JARID2: variants seen among roughly 807,000 people sequenced by gnomAD.
JARID2 encodes the protein jumonji and AT-rich interaction domain containing 2.
Under a neutral mutation model 125.6 loss-of-function variants are expected in JARID2, and 21 were observed. That is an observed-to-expected ratio of 0.17 (90% CI 0.12 to 0.24). JARID2 has a LOEUF of 0.24. Among genes scored for constraint, JARID2 ranks in the 10% least tolerant of loss-of-function variants. The pLI is 1.00. For missense variants in JARID2, 1,303 were observed against 1,639.6 expected, an observed-to-expected ratio of 0.79 and a Z score of 3.55; for synonymous variants, 736 against 661.6, an observed-to-expected ratio of 1.11 and a Z score of -1.73.
intron 5 of JARID2, among the ~76,000 whole-genome samples, chr6:15,477,802 T>G (rs906950276): frequency 6.6e-6 from 1 of 152,226 alleles, no homozygotes; most frequent in Non-Finnish European, 1.5e-5. Flanking sequence ...ATATTATCAT[T>G]AACATAATGT....
At chr6:15,406,492 T>C (rs974040401) in intron 2 of JARID2, among the ~76,000 whole-genome samples, 1 of 152,176 alleles carries the variant, frequency 6.6e-6, no homozygotes, top group Non-Finnish European at 1.5e-5. Flanking sequence ...GTTCCTTATG[T>C]ATGGGCCCCA....
At chr6:15,326,314 T>C (rs1762532955) in intron 1 of JARID2, among the ~76,000 whole-genome samples, 1 of 152,152 alleles carries the variant, frequency 6.6e-6, no homozygotes, top group South Asian at 2.1e-4. Flanking sequence ...TATGCAATAC[T>C]CTCGCCTCAG....
chr6:15,286,252 ATTC>A (rs928786843), intron 1 of JARID2, among the ~76,000 whole-genome samples: 3 of 148,900 alleles, frequency 2.0e-5, no homozygotes, highest in Non-Finnish European at 4.4e-5. Context: ...AATTGGAAGA[ATTC>A]TTTTTTTTTT....
At chr6:15,386,016 G>C (rs1356475728) in intron 2 of JARID2, among the ~76,000 whole-genome samples, 1 of 152,148 alleles carries the variant, frequency 6.6e-6, no homozygotes, top group Admixed American at 6.5e-5. Flanking sequence ...AAGGTATGTT[G>C]CTTGGTGGTT....
rs1240031675 is a variant in JARID2 at position 15,513,031 on chromosome 6, C to T, written c.3252C>T (p.Leu1084=). The T allele has an allele frequency of 1.2e-6, 2 of 1,614,138 alleles. No homozygotes were observed. The highest frequency in any genetic ancestry group is 3.3e-5 in the Admixed American group (2 of 60,028). ...CCACTCTCAGTACCATCTCAGCCCTCCTGGATGAGCTCAGGTAACAGACCC... is the reference window on the plus strand; with the variant it reads ...CCACTCTCAGTACCATCTCAGCCCTTCTGGATGAGCTCAGGTAACAGACCC... ...NGPTLSTISA[L]LDELRDTELR... Residue 1084 remains leucine, a synonymous_variant, in exon 15 of 18, where the codon CTC becomes CTT. Coordinates refer to ENST00000341776, the MANE Select transcript of JARID2 (RefSeq NM_004973.4).
At chr6:15,443,571 G>A (rs1023613641) in intron 3 of JARID2, among the ~76,000 whole-genome samples, 4 of 152,140 alleles carry the variant, frequency 2.6e-5, no homozygotes, top group Non-Finnish European at 5.9e-5. Context: ...GAAAGTTGGC[G>A]CTAGAAATCT....
At chr6:15,447,672 ATT>A (rs1767734657) in intron 3 of JARID2, among the ~76,000 whole-genome samples, 1 of 152,204 alleles carries the variant, frequency 6.6e-6, no homozygotes, top group South Asian at 2.1e-4. Context: ...GGCAGGTAGT[ATT>A]CTGTTGAAAA....
chr6:15,315,527 AAC>A (rs757805069), intron 1 of JARID2, among the ~76,000 whole-genome samples: 2 of 152,184 alleles, frequency 1.3e-5, no homozygotes, highest in South Asian at 4.1e-4. Flanking sequence ...CTGCCATTTT[AAC>A]ACAGAAAACT....
At position 15,255,224 on chromosome 6, in the gene JARID2, C is replaced by T. The variant is rs575098167; in HGVS notation, c.45+8640C>T. 8.1e-5 allele frequency among the ~76,000 whole-genome samples: 12 copies of T among 147,846 alleles called. No individual in the cohort carries two copies. In the South Asian group the frequency reaches 1.7e-3, roughly 21 times the overall value. ...GCGCTATCTCATTTTCCTGCCTCAT[C>T]CTCTCGAGTAGCTGGGACTACAGGC... On this transcript the variant is annotated intron_variant, in intron 1 of 17. Coordinates refer to ENST00000341776, the MANE Select transcript of JARID2 (RefSeq NM_004973.4).
chr6:15,312,534 C>T (rs1051842563), intron 1 of JARID2, among the ~76,000 whole-genome samples: 2 of 152,204 alleles, frequency 1.3e-5, no homozygotes, highest in Admixed American at 6.5e-5. Context: ...GCCCCCATGC[C>T]AGCGCCGACC....
intron 1 of JARID2, among the ~76,000 whole-genome samples, chr6:15,292,190 T>TG (rs1761244126): frequency 6.6e-6 from 1 of 152,002 alleles, no homozygotes; most frequent in Non-Finnish European, 1.5e-5. Flanking sequence ...CTAATTTTTT[T>TG]TTTTGTATTT....
intron 1 of JARID2, among the ~76,000 whole-genome samples, chr6:15,295,918 C>T (rs1313246672): frequency 6.6e-6 from 1 of 152,176 alleles, no homozygotes; most frequent in African/African-American, 2.4e-5. Flanking sequence ...TCCTTGGCCT[C>T]CCAATGTGCG....
intron 4 of JARID2, among the ~76,000 whole-genome samples, chr6:15,461,299 T>C (rs1488964484): frequency 6.6e-6 from 1 of 152,222 alleles, no homozygotes; most frequent in Non-Finnish European, 1.5e-5. Context: ...TGATAACCAT[T>C]GTATTCTCCT....
At chr6:15,478,789 C>G (rs1007558514) in intron 5 of JARID2, among the ~76,000 whole-genome samples, 12 of 152,040 alleles carry the variant, frequency 7.9e-5, no homozygotes, top group Admixed American at 7.9e-4. Flanking sequence ...CCTGCCTCAG[C>G]CTCCTGAGTA....
chr6:15,335,777 G>A (rs552290276), intron 1 of JARID2, among the ~76,000 whole-genome samples: 212 of 152,240 alleles, frequency 1.4e-3, no homozygotes, highest in African/African-American at 5.0e-3. Context: ...AACAGCTGGA[G>A]CAGGCTCTGT....
chr6:15,286,016 G>A (rs1003710362), intron 1 of JARID2, among the ~76,000 whole-genome samples: 1 of 152,158 alleles, frequency 6.6e-6, no homozygotes, highest in African/African-American at 2.4e-5. Flanking sequence ...GAAGTTTGAA[G>A]TTTTTCCTTT....
rs1040870474 is a variant in JARID2, at chr6:15,496,157, G to T, written c.932G>T (p.Arg311Leu). Residue 311 changes from arginine to leucine, a missense_variant, in exon 7 of 18, where the codon CGA becomes CTA. Physicochemically the swap from Arg to Leu is moderately radical, Grantham distance 102 (BLOSUM62 -2). Transcript: ENST00000341776. ...KQVSKVNGVT[R>L]MSSLGAGVTS... is the part of the protein sequence containing the mutation. ...GTTTCTAAGGTAAACGGAGTCACTCGAATGTCATCTCTGGGTGCAGGTGTA... is the reference window on the plus strand; with the variant it reads ...GTTTCTAAGGTAAACGGAGTCACTCTAATGTCATCTCTGGGTGCAGGTGTA... 2 of 1,613,200 alleles carry T rather than the reference G, an allele frequency of 1.2e-6. No homozygotes were observed. Among genetic ancestry groups the T allele is most frequent in the African/African-American group, 2.7e-5 (2 of 74,856 alleles).
At chr6:15,424,609 G>A (rs1347504921) in intron 3 of JARID2, among the ~76,000 whole-genome samples, 1 of 152,158 alleles carries the variant, frequency 6.6e-6, no homozygotes, top group Non-Finnish European at 1.5e-5. Context: ...TGTAATCCCA[G>A]CACTTTGGGG....
intron 3 of JARID2, among the ~76,000 whole-genome samples, chr6:15,420,526 C>T (rs1766438388): frequency 1.3e-5 from 2 of 152,046 alleles, no homozygotes; most frequent in South Asian, 4.1e-4. Context: ...AGTATATGTG[C>T]TATTTTTGTC....
Sources: allele counts gnomAD v4.1 joint callset (sites outside exome capture counted in the v4.1 genomes callset), GRCh38; gene constraint gnomAD v4.1.1; transcripts MANE v1.5; gene names NCBI Gene and HGNC (gene_info 2026-07-23, HGNC 2026-07-21).